The following HIPK2 variants were observed in gnomAD, a reference collection of about 807,000 sequenced individuals.
HIPK2 encodes the protein homeodomain-interacting protein kinase 2.
A neutral mutation model predicts 113.7 loss-of-function variants in HIPK2; 27 were observed. That is an observed-to-expected ratio of 0.24 (90% confidence interval 0.17 to 0.33). The LOEUF (loss-of-function observed/expected upper bound fraction) is 0.33, where lower values mean the gene tolerates loss of function less well. HIPK2 is among the 10% of genes least tolerant of loss of function. The pLI is 1.00. For missense variants in HIPK2, 1,257 were observed against 1,588.0 expected (o/e 0.79, Z 3.54); for synonymous variants, 631 against 642.2 (o/e 0.98, Z 0.26).
chr7:139,599,381 T>C (rs1457815335), intron 11 of HIPK2, among the ~76,000 whole-genome samples: 1 of 152,250 alleles, frequency 6.6e-6, no homozygotes, highest in African/African-American at 2.4e-5. Flanking sequence ...TCAGGATTCT[T>C]CGCAGTCAAT....
chr7:139,571,049 G>A lies in HIPK2; in HGVS notation c.*1878C>T, dbSNP rs1366422475. ...TTTCTTTGGAAATTCAACTGTGTGA[G>A]TTTTTCCAAAGTGCAGCGTCAGACC... On this transcript the variant is annotated 3_prime_UTR_variant, in exon 15 of 15. Coordinates refer to ENST00000406875, the MANE Select transcript of HIPK2 (RefSeq NM_022740.5). The A allele has an allele frequency of 1.3e-5, 2 of 152,264 alleles. No individual in the cohort carries two copies. The highest frequency in any genetic ancestry group is 2.9e-5 in the Non-Finnish European group (2 of 68,050). The allele number at this position is 152,264 out of a possible 1,614,324, so 9.4% of individuals were successfully genotyped here.
chr7:139,655,919 T>A (rs1801651490), intron 2 of HIPK2, among the ~76,000 whole-genome samples: 1 of 152,162 alleles, frequency 6.6e-6, no homozygotes, highest in Non-Finnish European at 1.5e-5. Flanking sequence ...CTGGAAAGGC[T>A]GCACTCACAC....
At chr7:139,609,979 A>G (rs1799758215) in intron 9 of HIPK2, among the ~76,000 whole-genome samples, 1 of 152,250 alleles carries the variant, frequency 6.6e-6, no homozygotes, top group Admixed American at 6.5e-5. Flanking sequence ...AATCTCAGTT[A>G]TAAACACAGT....
At chr7:139,659,303 G>A (rs377707870) in intron 2 of HIPK2, among the ~76,000 whole-genome samples, 46 of 152,272 alleles carry the variant, frequency 3.0e-4, no homozygotes, top group African/African-American at 1.0e-3. Flanking sequence ...TACTCTAAAA[G>A]CATTCACAGA....
intron 12 of HIPK2, among the ~76,000 whole-genome samples, chr7:139,587,419 G>A (rs1237543953): frequency 1.3e-5 from 2 of 150,436 alleles, no homozygotes; most frequent in East Asian, 2.0e-4. Flanking sequence ...AACCCAGGAG[G>A]TGGAGTTTGC....
intron 2 of HIPK2, among the ~76,000 whole-genome samples, chr7:139,690,028 C>T (rs1466652664): frequency 1.4e-5 from 2 of 147,476 alleles, no homozygotes; most frequent in African/African-American, 5.1e-5. Flanking sequence ...CAAGGTGGGG[C>T]CCAATCTATG....
At chr7:139,669,426 G>A (rs1434499055) in intron 2 of HIPK2, among the ~76,000 whole-genome samples, 1 of 152,158 alleles carries the variant, frequency 6.6e-6, no homozygotes, top group Non-Finnish European at 1.5e-5. Flanking sequence ...TGTAGACTGA[G>A]AGAGAAAGAT....
intron 2 of HIPK2, among the ~76,000 whole-genome samples, chr7:139,652,037 T>C (rs1801480225): frequency 6.6e-6 from 1 of 152,202 alleles, no homozygotes. Flanking sequence ...TCCTACAAGA[T>C]ACAATAATAT....
chr7:139,640,945 GATA>G (rs1800994254), intron 2 of HIPK2, among the ~76,000 whole-genome samples: 1 of 152,082 alleles, frequency 6.6e-6, no homozygotes, highest in Admixed American at 6.5e-5. Flanking sequence ...CTTTCTTTCT[GATA>G]TGGAACACTC....
At chr7:139,582,151 A>G (rs1413030913) in intron 13 of HIPK2, among the ~76,000 whole-genome samples, 1 of 152,132 alleles carries the variant, frequency 6.6e-6, no homozygotes, top group Non-Finnish European at 1.5e-5. Context: ...TGGTTTTTGG[A>G]GAGAGATGTC....
Position 139,770,158 on chromosome 7 carries a change from C to G in HIPK2, c.19+7447G>C, listed in dbSNP as rs1046579670. 5.9e-5 allele frequency among the ~76,000 whole-genome samples: 9 copies of G among 152,350 alleles called. No homozygotes were observed. The East Asian group carries it at 1.7e-3, about 29-fold the overall frequency. Reference sequence around the variant, plus strand: ...CTTTCTGTACAGTTTCAAAAACGTACATGCTGGTTTTTGTCAGAGCCCTAT... The same window carrying G: ...CTTTCTGTACAGTTTCAAAAACGTAGATGCTGGTTTTTGTCAGAGCCCTAT... On this transcript the variant is annotated intron_variant, in intron 1 of 14. Coordinates refer to ENST00000406875, the MANE Select transcript of HIPK2 (RefSeq NM_022740.5).
At position 139,628,970 on chromosome 7, in the gene HIPK2, A is replaced by C. The variant is rs1254546284; in HGVS notation, c.1417T>G (p.Leu473Val). ...KEARKYIFNCLDDMAQVNMTT... is the reference protein window; with the variant it reads ...KEARKYIFNCVDDMAQVNMTT... ...AAGCTTACCTGGGCCATATCATCTA[A>C]ACAGTTGAAAATGTACTTTCTTGCT... The change falls in exon 5 of 15, where the codon TTA becomes GTA. Residue 473 changes from leucine (L) to valine (V), a missense_variant. By Grantham distance (32) the Leu-to-Val change is conservative. Around this residue, in one of 5 missense-constraint regions of HIPK2, gnomAD observed 862 missense variants for 1,004.3 expected, o/e 0.86. Transcript: ENST00000406875. 1 of 1,594,854 alleles carries C rather than the reference A, an allele frequency of 6.3e-7. No homozygotes were observed. The highest frequency in any genetic ancestry group is 8.6e-7 in the Non-Finnish European group (1 of 1,169,030).
chr7:139,619,377 G>C (rs962778349), intron 7 of HIPK2, among the ~76,000 whole-genome samples: 7 of 152,212 alleles, frequency 4.6e-5, no homozygotes, highest in Non-Finnish European at 8.8e-5. Flanking sequence ...TGAAAGATGG[G>C]AGTAGGAGTT....
intron 1 of HIPK2, among the ~76,000 whole-genome samples, chr7:139,730,931 G>A (rs967875673): frequency 6.6e-6 from 1 of 152,126 alleles, no homozygotes; most frequent in African/African-American, 2.4e-5. Context: ...TGTAACCCAA[G>A]GGATGCCCAG....
At chr7:139,761,509 C>T (rs531024817) in intron 1 of HIPK2, among the ~76,000 whole-genome samples, 2 of 152,264 alleles carry the variant, frequency 1.3e-5, no homozygotes, top group South Asian at 4.1e-4. Context: ...CAACTTGAAT[C>T]CTGCAAGCTT....
chr7:139,580,286 G>A (rs1363817154), intron 13 of HIPK2, among the ~76,000 whole-genome samples: 1 of 152,172 alleles, frequency 6.6e-6, no homozygotes, highest in Non-Finnish European at 1.5e-5. Flanking sequence ...GAAGGGGTTA[G>A]GGAATGTTAG....
chr7:139,570,018 A>G lies in HIPK2; in HGVS notation c.*2909T>C, dbSNP rs1798211589. The G allele has an allele frequency of 6.6e-6, 1 of 152,256 alleles. No individual in the cohort carries two copies. The highest frequency in any genetic ancestry group is 2.1e-4 in the South Asian group (1 of 4,836). The allele number at this position is 152,256 out of a possible 1,614,324, so 9.4% of individuals were successfully genotyped here. A position where few individuals can be genotyped will look rare whatever the true frequency, so the allele number is the denominator to read the frequency against. ...GAAAATGTCAGGTGAAAGAGTAAGT[A>G]GCCTCCAACTTAAGCAGACAGAATA... On this transcript the variant is annotated 3_prime_UTR_variant, in exon 15 of 15. Transcript: ENST00000406875.
chr7:139,623,576 G>T (rs1027451822), intron 6 of HIPK2, among the ~76,000 whole-genome samples: 1 of 151,896 alleles, frequency 6.6e-6, no homozygotes, highest in African/African-American at 2.4e-5. Flanking sequence ...AGTAGGGGAG[G>T]GATGGGTCCA....
intron 11 of HIPK2, 159 bp downstream of exon 11, chr7:139,600,258 G>A: frequency 2.7e-6 from 1 of 372,912 alleles, no homozygotes; most frequent in Non-Finnish European, 3.7e-6. Context: ...CAAACCAGGT[G>A]GTACAGGATG....
Sources: gnomAD v4.1 joint callset for allele counts (sites outside exome capture counted in the v4.1 genomes callset) on GRCh38, gnomAD v4.1.1 for gene constraint, gnomAD v4.1.1 regional missense constraint, MANE v1.5 for transcripts, NCBI Gene and HGNC (gene_info 2026-07-23, HGNC 2026-07-21) for gene names.